Variants in BTBD8 observed in about 807,000 individuals in gnomAD.
BTBD8 encodes BTB/POZ domain-containing protein 8.
Under a neutral mutation model 162.9 loss-of-function variants are expected in BTBD8, and 110 were observed. The ratio of observed to expected loss-of-function variants is 0.68; its 90% CI spans 0.58 to 0.79. BTBD8 has a LOEUF of 0.79. Ranked by LOEUF, BTBD8 falls within the 30% of genes least tolerant of loss-of-function variation. The probability of loss-of-function intolerance (pLI) is 0.00; values close to 1 mark genes in which losing one functional copy is unlikely to be tolerated. For synonymous variants in BTBD8, 667 were observed against 716.1 expected (o/e 0.93, Z 1.10); for missense variants, 1,905 against 2,085.4 (o/e 0.91, Z 1.68).
At position 92,106,660 on chromosome 1, in the gene BTBD8, C is replaced by CAAAAAAA. The variant is rs60676530; in HGVS notation, c.545-1201_545-1195dup. Among the ~76,000 whole-genome samples, 8 of 9,952 alleles carry CAAAAAAA rather than the reference C, an allele frequency of 8.0e-4. 4 individuals carry two copies. The highest frequency in any genetic ancestry group is 3.2e-3 in the African/African-American group (8 of 2,524). The allele number at this position is 9,952 out of a possible 152,430, so 6.5% of individuals were successfully genotyped here. A position where few individuals can be genotyped will look rare whatever the true frequency, so the allele number is the denominator to read the frequency against. On this transcript the variant is annotated intron_variant, in intron 3 of 17. Transcript: ENST00000636805. Reference sequence around the variant, plus strand: ...TGGGCGACAGAGTAAGACTCTGTCTCAAAAAAAAAAAAAAAAAAAAAAAAA... The same window carrying CAAAAAAA: ...TGGGCGACAGAGTAAGACTCTGTCTCAAAAAAAAAAAAAAAAAAAAAAAAAAAAAAAA...
intron 3 of BTBD8, among the ~76,000 whole-genome samples, chr1:92,104,688 T>C (rs1648678470): frequency 6.6e-6 from 1 of 152,214 alleles, no homozygotes; most frequent in Non-Finnish European, 1.5e-5. Flanking sequence ...AGTTGCCAGC[T>C]TAACAGACAT....
intron 2 of BTBD8, 130 bp downstream of exon 2, chr1:92,089,025 A>G (rs963446378): frequency 2.0e-4 from 175 of 861,100 alleles, no homozygotes; most frequent in Middle Eastern, 3.6e-4. Context: ...TAAATTCCAA[A>G]TTATCTTAGT....
intron 17 of BTBD8, among the ~76,000 whole-genome samples, chr1:92,182,882 G>A (rs553103332): frequency 1.3e-5 from 2 of 152,018 alleles, no homozygotes; most frequent in East Asian, 3.9e-4. Flanking sequence ...TTAGTTTGCT[G>A]CTATTTAGTT....
intron 4 of BTBD8, among the ~76,000 whole-genome samples, chr1:92,119,190 T>C (rs1215665122): frequency 6.6e-6 from 1 of 151,988 alleles, no homozygotes; most frequent in South Asian, 2.1e-4. Context: ...CTTTTCATTT[T>C]ATAAACTTTT....
chr1:92,181,369 C>A lies in BTBD8; in HGVS notation c.3686C>A (p.Thr1229Asn). 6 of 1,551,648 alleles carry A rather than the reference C, an allele frequency of 3.9e-6. No individual in the cohort carries two copies. The highest frequency in any genetic ancestry group is 5.2e-6 in the Non-Finnish European group (6 of 1,146,968). Residue 1229 changes from threonine to asparagine, a missense_variant, in exon 17 of 18, where the codon ACT (threonine) becomes AAT (asparagine). Physicochemically the swap from Thr to Asn is moderately conservative, Grantham distance 65. Coordinates refer to ENST00000636805, the MANE Select transcript of BTBD8 (RefSeq NM_001376131.1). ...ESPESHETPE[T>N]PFVGHWNLST... Reference sequence around the variant, plus strand: ...CCAGAGAGCCATGAAACTCCAGAAACTCCATTTGTGGGTCACTGGAATTTG... The same window carrying A: ...CCAGAGAGCCATGAAACTCCAGAAAATCCATTTGTGGGTCACTGGAATTTG...
intron 9 of BTBD8, among the ~76,000 whole-genome samples, chr1:92,164,586 C>T (rs548026187): frequency 1.3e-5 from 2 of 151,372 alleles, no homozygotes; most frequent in South Asian, 4.2e-4. Flanking sequence ...ACCACTGCAC[C>T]CCAGCCTGGG....
chr1:92,127,311 C>G (rs1180735779), intron 4 of BTBD8, among the ~76,000 whole-genome samples: 3 of 152,158 alleles, frequency 2.0e-5, no homozygotes, highest in Non-Finnish European at 4.4e-5. Flanking sequence ...GAGGTCTACA[C>G]TCCTGGTTGT....
intron 4 of BTBD8, among the ~76,000 whole-genome samples, chr1:92,121,313 A>G (rs772506879): frequency 6.6e-5 from 10 of 152,174 alleles, no homozygotes; most frequent in South Asian, 2.1e-4. Context: ...TTTTGCATCT[A>G]TGTTCATGAG....
chr1:92,125,395 C>A lies in BTBD8; in HGVS notation c.663-4292C>A. ...AGAAGCACAACATTCAGGCACTGCT[C>A]AAAGATTCTATTGTGCAGTTATGTA... On this transcript the variant is annotated intron_variant, in intron 4 of 17. Coordinates refer to ENST00000636805, the MANE Select transcript of BTBD8 (RefSeq NM_001376131.1). 5 of 245,440 alleles carry A rather than the reference C, an allele frequency of 2.0e-5. No homozygotes were observed. The South Asian group carries it at 2.6e-4, about 13-fold the overall frequency. 15.2% of individuals were successfully genotyped at this position (245,440 alleles called of 1,614,324 possible).
intron 7 of BTBD8, among the ~76,000 whole-genome samples, chr1:92,146,759 T>TC (rs34120970): frequency 6.6e-6 from 1 of 152,098 alleles, no homozygotes; most frequent in African/African-American, 2.4e-5. Flanking sequence ...GCATTTAAGA[T>TC]CCCCCCATGT....
At chr1:92,121,829 A>G (rs929239389) in intron 4 of BTBD8, among the ~76,000 whole-genome samples, 4 of 149,906 alleles carry the variant, frequency 2.7e-5, no homozygotes, top group Non-Finnish European at 5.9e-5. Flanking sequence ...TCTTTTGCCC[A>G]TTTATTTTTT....
intron 7 of BTBD8, among the ~76,000 whole-genome samples, chr1:92,142,767 G>A (rs1483021): frequency 0.036 from 5,407 of 152,256 alleles, 355 homozygotes; most frequent in African/African-American, 0.12. Context: ...CTACAGAGAG[G>A]CCAGGTTGAA....
intron 9 of BTBD8, chr1:92,150,466 A>G (rs1428099527): frequency 6.6e-6 from 1 of 152,256 alleles, no homozygotes; most frequent in Non-Finnish European, 1.5e-5. Flanking sequence ...AGCAATCACA[A>G]ATGTGGCAGG....
At chr1:92,124,417 G>T (rs757642064) in intron 4 of BTBD8, among the ~76,000 whole-genome samples, 6 of 152,134 alleles carry the variant, frequency 3.9e-5, no homozygotes, top group African/African-American at 1.2e-4. Flanking sequence ...ATATTGTTCC[G>T]TGTATCTCAT....
In BTBD8 at chr1:92,080,636, G is replaced by A. The variant is rs1253862068; in HGVS notation, c.65G>A (p.Ser22Asn). 2.5e-6 allele frequency: 4 copies of A among 1,613,810 alleles called. No homozygotes were observed. Among genetic ancestry groups the A allele is most frequent in the Non-Finnish European group, 3.4e-6 (4 of 1,179,880 alleles). ...CTTCTGGGGTCCGCTGGAGTTTGCA[G>A]TAAGGGGTTGCAAAGGAAGGGGCCG... The part of the protein sequence containing the change: ...MVLLGSAGVC[S>N]KGLQRKGPCE... Residue 22 changes from serine (S) to asparagine (N), a missense_variant, in exon 1 of 18, where the codon AGT becomes AAT. Ser to Asn is a conservative substitution (Grantham distance 46). This residue lies in a region of BTBD8 where 1,374 missense variants were observed against 1,442.7 expected (regional missense o/e 0.95). Transcript: ENST00000636805.
At chr1:92,091,744 G>GT (rs566719934) in intron 2 of BTBD8, among the ~76,000 whole-genome samples, 1 of 151,902 alleles carries the variant, frequency 6.6e-6, no homozygotes, top group East Asian at 1.9e-4. Context: ...TTACTCCTAT[G>GT]TTTTTTTCTA....
Position 92,142,733 on chromosome 1 carries a change from G to A in BTBD8, c.930+1522G>A, listed in dbSNP as rs140383054. 1.8e-3 allele frequency among the ~76,000 whole-genome samples: 267 copies of A among 152,318 alleles called. 3 individuals carry two copies. Among genetic ancestry groups the A allele is most frequent in the African/African-American group, 5.8e-3 (243 of 41,562 alleles). Reference sequence around the variant, plus strand: ...CCCACTTGGGGAGGTATTGTGCATCGTGAGCCACTTGAAGAGTTCTTATCT... The same window carrying A: ...CCCACTTGGGGAGGTATTGTGCATCATGAGCCACTTGAAGAGTTCTTATCT... On this transcript the variant is annotated intron_variant, in intron 7 of 17. Coordinates refer to ENST00000636805, the MANE Select transcript of BTBD8 (RefSeq NM_001376131.1).
At chr1:92,162,359 C>A (rs181077115) in intron 9 of BTBD8, among the ~76,000 whole-genome samples, 9 of 152,312 alleles carry the variant, frequency 5.9e-5, no homozygotes, top group Admixed American at 3.9e-4. Flanking sequence ...TGAGGGCAAG[C>A]CTTGACCAAT....
At chr1:92,143,407 AT>A (rs1649823381) in intron 7 of BTBD8, among the ~76,000 whole-genome samples, 2 of 151,954 alleles carry the variant, frequency 1.3e-5, no homozygotes, top group African/African-American at 4.8e-5. Flanking sequence ...CACAAAAGAC[AT>A]TTTTTATATT....
Sources: allele counts gnomAD v4.1 joint callset (sites outside exome capture counted in the v4.1 genomes callset), GRCh38; gene constraint gnomAD v4.1.1; regional missense constraint gnomAD v4.1.1; transcripts MANE v1.5; gene names NCBI Gene and HGNC (gene_info 2026-07-23, HGNC 2026-07-21).